ARHGAP28: variants seen among roughly 807,000 people sequenced by gnomAD.
ARHGAP28 encodes rho GTPase-activating protein 28.
In ARHGAP28, 56 loss-of-function variants were observed where a neutral mutation model predicts 90.7. The observed-to-expected ratio is 0.62, with a 90% CI of 0.50 to 0.77. ARHGAP28 has a LOEUF of 0.77. Ranked by LOEUF, ARHGAP28 falls within the 30% of genes least tolerant of loss-of-function variation. The pLI is 0.00. For synonymous variants in ARHGAP28, 308 were observed against 323.3 expected, an observed-to-expected ratio of 0.95 and a Z score of 0.51; for missense variants, 869 against 900.9, an observed-to-expected ratio of 0.96 and a Z score of 0.45.
chr18:6,767,334 A>T (rs951543670), intron 1 of ARHGAP28, among the ~76,000 whole-genome samples: 1 of 152,116 alleles, frequency 6.6e-6, no homozygotes, highest in Non-Finnish European at 1.5e-5. Context: ...TGTTTCATAC[A>T]GTCAATTTTA....
intron 1 of ARHGAP28, chr18:6,791,095 T>A (rs991124819): frequency 3.9e-5 from 6 of 152,174 alleles, no homozygotes; most frequent in African/African-American, 1.4e-4. Flanking sequence ...GGGGAGTTTA[T>A]AAAGTATTAA....
At chr18:6,908,235 T>G (rs1166564584) in intron 16 of ARHGAP28, among the ~76,000 whole-genome samples, 1 of 152,162 alleles carries the variant, frequency 6.6e-6, no homozygotes, top group Non-Finnish European at 1.5e-5. Context: ...CTTCCCGGGT[T>G]CAAGCAATTC....
At chr18:6,819,532 T>A (rs2056613203) in intron 1 of ARHGAP28, among the ~76,000 whole-genome samples, 1 of 152,148 alleles carries the variant, frequency 6.6e-6, no homozygotes, top group African/African-American at 2.4e-5. Flanking sequence ...GTGGAGGGAC[T>A]CTACCGGGAT....
At chr18:6,848,664 C>T (rs2056885033) in intron 3 of ARHGAP28, among the ~76,000 whole-genome samples, 2 of 152,160 alleles carry the variant, frequency 1.3e-5, no homozygotes, top group Non-Finnish European at 2.9e-5. Flanking sequence ...ACTCATCTTG[C>T]GTTTGTCTCC....
chr18:6,906,236 C>T (rs2057364060), intron 16 of ARHGAP28, among the ~76,000 whole-genome samples: 1 of 152,092 alleles, frequency 6.6e-6, no homozygotes, highest in Non-Finnish European at 1.5e-5. Context: ...AGAAATTGAC[C>T]TACACAAATA....
At position 6,841,156 on chromosome 18, in the gene ARHGAP28, TTTCTCTCTCTCCTCTCTCTCTCTC is replaced by T. The variant is rs1567966333; in HGVS notation, c.543+3743_543+3766del. The stretch of plus-strand genomic sequence containing the variant: ...CTCCTCTCTCACTGTCTCTCTCCTC[TTTCTCTCTCTCCTCTCTCTCTCTC>T]CTCTCTCTCTCTCTCTCTCTCTCCT... On this transcript the variant is annotated intron_variant, in intron 3 of 17. Transcript: ENST00000383472. Among the ~76,000 whole-genome samples the T allele has an allele frequency of 3.7e-3, 400 of 107,006 alleles. 2 individuals carry two copies. The highest frequency in any genetic ancestry group is 6.6e-3 in the Non-Finnish European group (324 of 48,914). The allele number at this position is 107,006 out of a possible 152,430, so 70.2% of individuals were successfully genotyped here. A position where few individuals can be genotyped will look rare whatever the true frequency, so the allele number is the denominator to read the frequency against.
chr18:6,806,515 A>G (rs1329705151), intron 1 of ARHGAP28, among the ~76,000 whole-genome samples: 4 of 152,098 alleles, frequency 2.6e-5, no homozygotes, highest in East Asian at 1.9e-4. Flanking sequence ...AAATATGACT[A>G]TATTTTTATT....
At chr18:6,797,126 C>T (rs936118124) in intron 1 of ARHGAP28, among the ~76,000 whole-genome samples, 3 of 152,140 alleles carry the variant, frequency 2.0e-5, no homozygotes, top group African/African-American at 2.4e-5. Flanking sequence ...TGTTATATAA[C>T]GTTAACTTTC....
chr18:6,908,048 T>C (rs1474823593), intron 16 of ARHGAP28, among the ~76,000 whole-genome samples: 1 of 152,186 alleles, frequency 6.6e-6, no homozygotes, highest in Non-Finnish European at 1.5e-5. Context: ...AGCATTCTAG[T>C]CTAGGGTGGA....
chr18:6,801,788 C>G (rs1393208884), intron 1 of ARHGAP28, among the ~76,000 whole-genome samples: 1 of 152,014 alleles, frequency 6.6e-6, no homozygotes, highest in African/African-American at 2.4e-5. Flanking sequence ...CCCTTCTTAG[C>G]TATATTGAGA....
At chr18:6,876,652 A>G (rs902425869) in intron 10 of ARHGAP28, among the ~76,000 whole-genome samples, 1 of 152,182 alleles carries the variant, frequency 6.6e-6, no homozygotes, top group Non-Finnish European at 1.5e-5. Context: ...TATTTCCATC[A>G]TTCGTTGGTT....
intron 12 of ARHGAP28, among the ~76,000 whole-genome samples, chr18:6,889,225 T>G (rs1472732985): frequency 6.6e-6 from 1 of 152,226 alleles, no homozygotes; most frequent in South Asian, 2.1e-4. Flanking sequence ...GTATTTATAC[T>G]TTGATAGCAC....
chr18:6,750,024 A>C (rs1004511581), intron 1 of ARHGAP28, among the ~76,000 whole-genome samples: 8 of 151,982 alleles, frequency 5.3e-5, no homozygotes, highest in African/African-American at 1.9e-4. Flanking sequence ...CCTTCTGTCT[A>C]TTGGACTTTT....
chr18:6,795,992 T>G (rs957709214), intron 1 of ARHGAP28, among the ~76,000 whole-genome samples: 2 of 152,240 alleles, frequency 1.3e-5, no homozygotes, highest in African/African-American at 4.8e-5. Flanking sequence ...GACCATCATA[T>G]CTAAAGCCTA....
At chr18:6,822,578 C>A (rs1413296451) in intron 1 of ARHGAP28, among the ~76,000 whole-genome samples, 2 of 152,134 alleles carry the variant, frequency 1.3e-5, no homozygotes, top group Non-Finnish European at 2.9e-5. Flanking sequence ...ATAAAGAATT[C>A]AGCGAGAATT....
chr18:6,896,290 A>T (rs1397526168), intron 15 of ARHGAP28, among the ~76,000 whole-genome samples: 1 of 152,236 alleles, frequency 6.6e-6, no homozygotes, highest in African/African-American at 2.4e-5. Context: ...AGACCTGACC[A>T]TGTGCAGTGA....
chr18:6,770,832 TCAGAAAAACATAAAGAGA>T (rs2056236904), intron 1 of ARHGAP28, among the ~76,000 whole-genome samples: 2 of 152,082 alleles, frequency 1.3e-5, no homozygotes, highest in East Asian at 3.9e-4. Flanking sequence ...AACCTTGAAT[TCAGAAAAACATAAAGAGA>T]ATGAAGACTT....
intron 1 of ARHGAP28, among the ~76,000 whole-genome samples, chr18:6,770,209 AT>A (rs896708028): frequency 6.6e-6 from 1 of 152,272 alleles, no homozygotes; most frequent in African/African-American, 2.4e-5. Context: ...TACAAGACTG[AT>A]TTTTGTGTTT....
chr18:6,814,574 CA>C (rs892777971), intron 1 of ARHGAP28, among the ~76,000 whole-genome samples: 2 of 152,078 alleles, frequency 1.3e-5, no homozygotes, highest in African/African-American at 4.8e-5. Flanking sequence ...TGCATTCCAG[CA>C]AATACATCAC....
Sources: allele counts gnomAD v4.1 joint callset (sites outside exome capture counted in the v4.1 genomes callset), GRCh38; gene constraint gnomAD v4.1.1; transcripts MANE v1.5; gene names NCBI Gene and HGNC (gene_info 2026-07-23, HGNC 2026-07-21).